NAALADL2: variants seen among roughly 807,000 people sequenced by gnomAD.
The protein encoded by NAALADL2 is inactive N-acetylated-alpha-linked acidic dipeptidase-like protein 2.
A neutral mutation model predicts 87.2 loss-of-function variants in NAALADL2; 76 were observed. The ratio of observed to expected loss-of-function variants is 0.87; its 90% CI spans 0.72 to 1.05. The LOEUF is 1.05. NAALADL2 is among the 50% of genes least tolerant of loss of function. The probability of loss-of-function intolerance (pLI) is 0.00; values close to 1 mark genes in which losing one functional copy is unlikely to be tolerated. For synonymous variants in NAALADL2, 354 were observed against 331.0 expected (o/e 1.07, Z -0.75); for missense variants, 1,089 against 945.8 (o/e 1.15, Z -1.99).
At chr3:175,575,591 C>T (rs1718754279) in intron 9 of NAALADL2, among the ~76,000 whole-genome samples, 1 of 152,008 alleles carries the variant, frequency 6.6e-6, no homozygotes, top group Admixed American at 6.6e-5. Flanking sequence ...GGCCTCTTCT[C>T]TAGTTTTTAA....
At chr3:174,684,569 T>A (rs1451882786) in intron 2 of NAALADL2, among the ~76,000 whole-genome samples, 2 of 152,102 alleles carry the variant, frequency 1.3e-5, no homozygotes, top group Non-Finnish European at 1.5e-5. Context: ...ATTCATGAAT[T>A]TTTCCATACT....
intron 5 of NAALADL2, among the ~76,000 whole-genome samples, chr3:175,419,513 C>T (rs1715278469): frequency 6.6e-6 from 1 of 151,860 alleles, no homozygotes; most frequent in African/African-American, 2.4e-5. Context: ...AATTATCCAA[C>T]CATTTCTATC....
chr3:175,086,805 A>C (rs1719033705), intron 1 of NAALADL2, among the ~76,000 whole-genome samples: 1 of 152,132 alleles, frequency 6.6e-6, no homozygotes, highest in Non-Finnish European at 1.5e-5. Flanking sequence ...TAAATTTGTA[A>C]TAAAGATTAA....
At chr3:175,652,794 G>T (rs1219232251) in intron 11 of NAALADL2, among the ~76,000 whole-genome samples, 1 of 151,986 alleles carries the variant, frequency 6.6e-6, no homozygotes, top group East Asian at 1.9e-4. Flanking sequence ...TGTAAACTAT[G>T]ACTTTATATT....
At chr3:174,508,114 G>GTTTTTTTTTTTTTGT (rs57393523) in intron 1 of NAALADL2, among the ~76,000 whole-genome samples, 15,321 of 103,152 alleles carry the variant, frequency 0.15, 1,495 homozygotes, top group Middle Eastern at 0.2. Flanking sequence ...ATATCTAGTG[G>GTTTTTTTTTTTTTGT]TTTTTTTTTT....
chr3:175,069,730 C>A (rs1315991546), intron 1 of NAALADL2, among the ~76,000 whole-genome samples: 8 of 151,866 alleles, frequency 5.3e-5, no homozygotes, highest in African/African-American at 1.5e-4. Flanking sequence ...TATTGTGGCA[C>A]TATTCACAAT....
intron 2 of NAALADL2, among the ~76,000 whole-genome samples, chr3:174,642,749 C>CATATATATATATATAT (rs71624288): frequency 3.5e-4 from 46 of 130,258 alleles, no homozygotes; most frequent in African/African-American, 1.2e-3. Flanking sequence ...TGAAAAAAAA[C>CATATATATATATATAT]ATATATATAT....
chr3:174,480,794 G>A (rs1717500083), intron 1 of NAALADL2, among the ~76,000 whole-genome samples: 1 of 152,106 alleles, frequency 6.6e-6, no homozygotes, highest in Admixed American at 6.6e-5. Context: ...AGAGGTTCCA[G>A]TTAGGTATCA....
At chr3:175,633,552 C>A (rs1283412107) in intron 11 of NAALADL2, among the ~76,000 whole-genome samples, 1 of 151,900 alleles carries the variant, frequency 6.6e-6, no homozygotes, top group Non-Finnish European at 1.5e-5. Context: ...TAGTACCTTT[C>A]ATCTGGCACC....
intron 2 of NAALADL2, among the ~76,000 whole-genome samples, chr3:175,127,658 A>C (rs1363326214): frequency 9.3e-6 from 1 of 107,156 alleles, no homozygotes; most frequent in Non-Finnish European, 1.9e-5. Flanking sequence ...TATTATATTT[A>C]TGCTGACTAT....
intron 2 of NAALADL2, among the ~76,000 whole-genome samples, chr3:174,695,071 G>C (rs1728900059): frequency 6.6e-6 from 1 of 151,756 alleles, no homozygotes; most frequent in Non-Finnish European, 1.5e-5. Context: ...AGACAGAAAG[G>C]GATTTTATTG....
chr3:174,917,116 A>C lies in NAALADL2; in HGVS notation c.43+57666A>C, dbSNP rs150805760. Among the ~76,000 whole-genome samples the C allele has an allele frequency of 5.3e-3, 802 of 152,240 alleles. 9 individuals are homozygous for C. The highest frequency in any genetic ancestry group is 0.018 in the African/African-American group (747 of 41,578). On this transcript the variant is annotated intron_variant, in intron 1 of 13. Coordinates refer to ENST00000454872, the MANE Select transcript of NAALADL2 (RefSeq NM_207015.3). ...GAATTTGATTTAACTTTGTTTCAGC[A>C]ATTCCGATTTTAAAGTGTAAATTAA...
chr3:174,605,542 C>T (rs185283716), intron 2 of NAALADL2, among the ~76,000 whole-genome samples: 53 of 152,280 alleles, frequency 3.5e-4, no homozygotes, highest in Admixed American at 1.4e-3. Flanking sequence ...GAGGGTCCTA[C>T]GCCCACGGAG....
chr3:175,296,642 A>G (rs1202361449), intron 4 of NAALADL2, among the ~76,000 whole-genome samples: 2 of 152,142 alleles, frequency 1.3e-5, no homozygotes, highest in African/African-American at 4.8e-5. Flanking sequence ...ATGAAGAGAA[A>G]TCTATAGACA....
intron 2 of NAALADL2, among the ~76,000 whole-genome samples, chr3:174,706,353 G>C (rs903004189): frequency 1.3e-5 from 2 of 152,172 alleles, no homozygotes; most frequent in African/African-American, 4.8e-5. Flanking sequence ...TAAAACATTT[G>C]AAGGAAAACA....
chr3:175,436,678 G>A (rs1464249540), intron 5 of NAALADL2, among the ~76,000 whole-genome samples: 13 of 87,314 alleles, frequency 1.5e-4, no homozygotes, highest in Admixed American at 4.5e-4. Flanking sequence ...CATGTCCTTC[G>A]CCCACTTTTT....
At chr3:174,573,084 C>T (rs2108539899) in intron 2 of NAALADL2, among the ~76,000 whole-genome samples, 1 of 152,244 alleles carries the variant, frequency 6.6e-6, no homozygotes, top group Middle Eastern at 3.4e-3. Context: ...GCATCACTAC[C>T]TACTGTATGT....
At chr3:175,411,135 A>C (rs1269029065) in intron 5 of NAALADL2, among the ~76,000 whole-genome samples, 4 of 152,180 alleles carry the variant, frequency 2.6e-5, no homozygotes, top group Non-Finnish European at 5.9e-5. Flanking sequence ...GATTTAAACC[A>C]CATGAGTGGA....
intron 1 of NAALADL2, among the ~76,000 whole-genome samples, chr3:174,990,120 G>A (rs1048989157): frequency 2.6e-5 from 4 of 152,230 alleles, no homozygotes; most frequent in East Asian, 3.9e-4. Flanking sequence ...TTGAAATAGC[G>A]TTAGAGAATT....
Sources: allele counts gnomAD v4.1 joint callset (sites outside exome capture counted in the v4.1 genomes callset), GRCh38; gene constraint gnomAD v4.1.1; transcripts MANE v1.5; gene names NCBI Gene and HGNC (gene_info 2026-07-23, HGNC 2026-07-21).